The following GALNTL6 variants were observed in gnomAD, a reference collection of about 807,000 sequenced individuals.
GALNTL6 encodes polypeptide N-acetylgalactosaminyltransferase-like 6.
GALNTL6 carries 46 observed loss-of-function variants against 73.7 expected under a neutral mutation model. That is an observed-to-expected ratio of 0.62 (90% CI 0.49 to 0.80). The LOEUF is 0.80. Ranked by LOEUF, GALNTL6 falls within the 30% of genes least tolerant of loss-of-function variation. GALNTL6 has a pLI of 0.00. For missense variants in GALNTL6, 604 were observed against 755.0 expected (o/e 0.80, Z 2.34); for synonymous variants, 259 against 263.7 (o/e 0.98, Z 0.17).
At chr4:172,916,164 G>C (rs893029275) in intron 8 of GALNTL6, among the ~76,000 whole-genome samples, 3 of 152,150 alleles carry the variant, frequency 2.0e-5, no homozygotes, top group African/African-American at 4.8e-5. Flanking sequence ...TATCTCAATA[G>C]ATGCAGAAAA....
At chr4:172,467,892 CTTT>C (rs1283264706) in intron 5 of GALNTL6, among the ~76,000 whole-genome samples, 4 of 83,354 alleles carry the variant, frequency 4.8e-5, no homozygotes, top group Non-Finnish European at 5.2e-5. Flanking sequence ...TCTTTTCTTT[CTTT>C]TTTTTTTTTT....
rs1178432382 is a variant in GALNTL6, at chr4:172,229,664, A to T, written c.147A>T (p.Pro49=). ...SAEPGEQQTF[P]LGLGDGQFYS... is the part of the protein sequence containing the mutation. ...ACTTTCCTTTTCCACAGACATTTCC[A>T]CTGGGCCTGGGAGATGGGCAATTCT... Residue 49 remains proline, a synonymous_variant, in exon 3 of 13, where the codon CCA becomes CCT. Coordinates refer to ENST00000506823, the MANE Select transcript of GALNTL6 (RefSeq NM_001034845.3). The T allele has an allele frequency of 6.2e-7, 1 of 1,610,346 alleles. No individual in the cohort carries two copies. Among genetic ancestry groups the T allele is most frequent in the Non-Finnish European group, 8.5e-7 (1 of 1,176,766 alleles).
chr4:172,895,814 C>A (rs1391411271), intron 8 of GALNTL6, among the ~76,000 whole-genome samples: 2 of 151,968 alleles, frequency 1.3e-5, no homozygotes. Flanking sequence ...TCTTTGTATT[C>A]TTTTTCTTTT....
chr4:171,831,396 A>G (rs961838855), intron 2 of GALNTL6, among the ~76,000 whole-genome samples: 1 of 152,028 alleles, frequency 6.6e-6, no homozygotes, highest in Non-Finnish European at 1.5e-5. Context: ...ATTAAATAAC[A>G]TTGTGTTTGG....
At chr4:172,199,474 C>G (rs1348347049) in intron 2 of GALNTL6, among the ~76,000 whole-genome samples, 2 of 152,172 alleles carry the variant, frequency 1.3e-5, no homozygotes, top group Admixed American at 1.3e-4. Context: ...AGATAATTCT[C>G]TCACCATTTG....
intron 5 of GALNTL6, among the ~76,000 whole-genome samples, chr4:172,578,106 C>T (rs1560817963): frequency 6.6e-6 from 1 of 152,100 alleles, no homozygotes; most frequent in Non-Finnish European, 1.5e-5. Flanking sequence ...ATAGGCAGTA[C>T]TCATGTAAAA....
At chr4:172,771,642 T>A (rs1282149484) in intron 5 of GALNTL6, among the ~76,000 whole-genome samples, 1 of 152,214 alleles carries the variant, frequency 6.6e-6, no homozygotes, top group Non-Finnish European at 1.5e-5. Context: ...CATTTTTCTA[T>A]GGCCATGTTC....
chr4:172,874,481 G>A (rs1745093256), intron 7 of GALNTL6, among the ~76,000 whole-genome samples: 1 of 152,114 alleles, frequency 6.6e-6, no homozygotes, highest in Non-Finnish European at 1.5e-5. Context: ...CAAATGAGGT[G>A]GGAAACAGGA....
intron 5 of GALNTL6, among the ~76,000 whole-genome samples, chr4:172,652,956 T>C (rs1740545046): frequency 2.0e-5 from 3 of 152,176 alleles, no homozygotes; most frequent in Admixed American, 2.0e-4. Context: ...ATATTTGGTG[T>C]GTACTTTTAC....
At chr4:172,217,795 G>A (rs1159671089) in intron 2 of GALNTL6, among the ~76,000 whole-genome samples, 2 of 152,080 alleles carry the variant, frequency 1.3e-5, no homozygotes, top group African/African-American at 2.4e-5. Context: ...CAGACTGTTA[G>A]GATATATCAG....
At position 171,894,413 on chromosome 4, in the gene GALNTL6, AGTGCAGCCCTTT is replaced by A. The variant is rs1232101083; in HGVS notation, c.138+79696_138+79707del. On this transcript the variant is annotated intron_variant, in intron 2 of 12. Transcript: ENST00000506823. ...ATATTAGAATATGTACAGCAATAGA[AGTGCAGCCCTTT>A]TAGTAATTGCACAAGACTACTCTAG... is the stretch of plus-strand genomic sequence containing the variant. Among the ~76,000 whole-genome samples the A allele has an allele frequency of 5.8e-4, 89 of 152,356 alleles. No homozygotes were observed. The East Asian group carries it at 8.5e-3, about 15-fold the overall frequency.
intron 2 of GALNTL6, among the ~76,000 whole-genome samples, chr4:172,034,399 C>CGT (rs1209195765): frequency 2.1e-3 from 70 of 33,434 alleles, no homozygotes; most frequent in African/African-American, 6.0e-3. Flanking sequence ...AGCGTGCGTG[C>CGT]GTGTGTGTGT....
intron 5 of GALNTL6, among the ~76,000 whole-genome samples, chr4:172,577,346 C>T (rs1736993433): frequency 6.6e-6 from 1 of 152,126 alleles, no homozygotes; most frequent in African/African-American, 2.4e-5. Context: ...TATGAAATTA[C>T]TTATCAGTTT....
At chr4:171,850,963 C>T (rs1163840509) in intron 2 of GALNTL6, among the ~76,000 whole-genome samples, 1 of 152,052 alleles carries the variant, frequency 6.6e-6, no homozygotes, top group Admixed American at 6.6e-5. Flanking sequence ...TAAAACAATG[C>T]AATTCAAGGG....
intron 2 of GALNTL6, among the ~76,000 whole-genome samples, chr4:171,982,448 C>T (rs374417511): frequency 6.6e-6 from 1 of 152,088 alleles, no homozygotes. Context: ...CAGGCGCCCG[C>T]CACCACGCCC....
At chr4:171,978,387 C>G (rs932404825) in intron 2 of GALNTL6, among the ~76,000 whole-genome samples, 1 of 151,892 alleles carries the variant, frequency 6.6e-6, no homozygotes, top group African/African-American at 2.4e-5. Flanking sequence ...CTGAATTCAC[C>G]CAGATATCAA....
intron 2 of GALNTL6, among the ~76,000 whole-genome samples, chr4:171,985,295 A>C (rs1413140521): frequency 2.0e-5 from 3 of 152,224 alleles, no homozygotes; most frequent in Non-Finnish European, 2.9e-5. Context: ...GCAGCAAGCC[A>C]GAGAAAATGA....
chr4:171,844,242 G>A (rs1579503452), intron 2 of GALNTL6, among the ~76,000 whole-genome samples: 1 of 152,156 alleles, frequency 6.6e-6, no homozygotes, highest in Non-Finnish European at 1.5e-5. Flanking sequence ...ATGAAACTCA[G>A]GGTCATTATT....
At chr4:172,365,551 G>T (rs1742526238) in intron 5 of GALNTL6, among the ~76,000 whole-genome samples, 1 of 152,030 alleles carries the variant, frequency 6.6e-6, no homozygotes, top group East Asian at 1.9e-4. Context: ...AATCATAGAT[G>T]AAAATAAACT....
Sources: gnomAD v4.1 joint callset for allele counts (sites outside exome capture counted in the v4.1 genomes callset) on GRCh38, gnomAD v4.1.1 for gene constraint, MANE v1.5 for transcripts, NCBI Gene and HGNC (gene_info 2026-07-23, HGNC 2026-07-21) for gene names.